LINGO2: variants seen among roughly 807,000 people sequenced by gnomAD.
LINGO2 encodes leucine-rich repeat and immunoglobulin-like domain-containing nogo receptor-interacting protein 2.
A neutral mutation model predicts 30.6 loss-of-function variants in LINGO2; 14 were observed. The ratio of observed to expected loss-of-function variants is 0.46; its 90% CI spans 0.30 to 0.72. The LOEUF is 0.72. LINGO2 is among the 30% of genes least tolerant of loss of function. The pLI, the probability that LINGO2 is intolerant of heterozygous loss-of-function variation, is 0.07. For synonymous variants in LINGO2, 317 were observed against 288.5 expected (o/e 1.10, Z -1.00); for missense variants, 729 against 751.7 (o/e 0.97, Z 0.35).
At chr9:29,119,734 C>G in the LINGO2 span, among the ~76,000 whole-genome samples, 1 of 151,660 alleles carries the variant, frequency 6.6e-6, no homozygotes, top group African/African-American at 2.4e-5. Flanking sequence ...TACAGGTACT[C>G]TACCTGTAAT....
At chr9:27,955,071 T>C (rs1819501012) in intron 5 of LINGO2, among the ~76,000 whole-genome samples, 3 of 152,344 alleles carry the variant, frequency 2.0e-5, no homozygotes, top group South Asian at 4.1e-4. Context: ...AAATGTCTAC[T>C]GATGTCCTTG....
chr9:28,814,328 T>C, the LINGO2 span, among the ~76,000 whole-genome samples: 1 of 151,998 alleles, frequency 6.6e-6, no homozygotes, highest in Admixed American at 6.6e-5. Context: ...TCCCAGCCAC[T>C]TGGGAGGCTG....
At chr9:28,155,391 C>T (rs1172246603) in intron 4 of LINGO2, among the ~76,000 whole-genome samples, 1 of 152,186 alleles carries the variant, frequency 6.6e-6, no homozygotes, top group African/African-American at 2.4e-5. Flanking sequence ...TTTTTCATTA[C>T]ACACAATCCT....
intron 3 of LINGO2, among the ~76,000 whole-genome samples, chr9:28,367,516 C>A (rs961168185): frequency 2.0e-4 from 31 of 151,404 alleles, no homozygotes; most frequent in Non-Finnish European, 4.1e-4. Context: ...TTCCTGGGGG[C>A]CATTTTCTCT....
chr9:28,890,336 A>C, the LINGO2 span, among the ~76,000 whole-genome samples: 2 of 152,036 alleles, frequency 1.3e-5, no homozygotes, highest in Non-Finnish European at 2.9e-5. Context: ...ATCTCCATAT[A>C]ATTAGGTTGT....
At chr9:28,264,076 C>A (rs1332224362) in intron 4 of LINGO2, among the ~76,000 whole-genome samples, 1 of 151,358 alleles carries the variant, frequency 6.6e-6, no homozygotes, top group Admixed American at 6.6e-5. Flanking sequence ...AAAAAAAAGA[C>A]GAAAAAATCT....
In LINGO2 at chr9:28,013,618, C is replaced by A. The variant is rs1161587331; in HGVS notation, c.-86-1213G>T. ...ATGAGAAGAAGCTGATAGTAAGTAG[C>A]TCTACTTTTAGTTTCTTATTGTCTA... On this transcript the variant is annotated intron_variant, in intron 4 of 5. Transcript: ENST00000379992. 2.6e-5 allele frequency among the ~76,000 whole-genome samples: 4 copies of A among 152,304 alleles called. No homozygotes were observed. The East Asian group carries it at 5.8e-4, about 22-fold the overall frequency.
At chr9:28,100,061 T>C (rs1433210495) in intron 4 of LINGO2, among the ~76,000 whole-genome samples, 2 of 152,212 alleles carry the variant, frequency 1.3e-5, no homozygotes, top group Non-Finnish European at 2.9e-5. Flanking sequence ...AAAATATTAT[T>C]GTGGAAGTAT....
At chr9:28,210,880 A>G (rs1222205823) in intron 4 of LINGO2, among the ~76,000 whole-genome samples, 1 of 151,576 alleles carries the variant, frequency 6.6e-6, no homozygotes, top group Non-Finnish European at 1.5e-5. Flanking sequence ...CCAAGAGAGG[A>G]ACATTAGCTC....
At chr9:28,746,703 T>C in the LINGO2 span, among the ~76,000 whole-genome samples, 1 of 151,934 alleles carries the variant, frequency 6.6e-6, no homozygotes, top group Non-Finnish European at 1.5e-5. Context: ...GGAAATAACA[T>C]AAATAAAACA....
the LINGO2 span, among the ~76,000 whole-genome samples, chr9:28,781,820 G>A: frequency 3.3e-5 from 5 of 152,144 alleles, no homozygotes; most frequent in African/African-American, 7.2e-5. Context: ...TTAGAAGGAT[G>A]CATATTATAA....
At chr9:28,389,285 A>T (rs1167178639) in intron 2 of LINGO2, among the ~76,000 whole-genome samples, 1 of 152,188 alleles carries the variant, frequency 6.6e-6, no homozygotes, top group Non-Finnish European at 1.5e-5. Context: ...TTATCAATGT[A>T]TCTAGGAAGA....
intron 3 of LINGO2, among the ~76,000 whole-genome samples, chr9:28,297,302 T>G (rs1052687694): frequency 6.6e-6 from 1 of 152,206 alleles, no homozygotes; most frequent in Non-Finnish European, 1.5e-5. Context: ...GGGGTAAGTT[T>G]TGTGTATTTT....
the LINGO2 span, among the ~76,000 whole-genome samples, chr9:28,988,776 G>A: frequency 2.6e-5 from 4 of 152,282 alleles, no homozygotes; most frequent in East Asian, 3.9e-4. Context: ...ATCTGGCATC[G>A]TGCCTACCTG....
chr9:28,412,371 T>C (rs1822804805), intron 2 of LINGO2, among the ~76,000 whole-genome samples: 3 of 152,060 alleles, frequency 2.0e-5, no homozygotes, highest in Admixed American at 2.0e-4. Context: ...TCAAATCCTT[T>C]GCCCATTTGT....
intron 5 of LINGO2, among the ~76,000 whole-genome samples, chr9:28,012,015 G>A (rs139751551): frequency 9.9e-4 from 150 of 152,166 alleles, no homozygotes; most frequent in Non-Finnish European, 1.8e-3. Context: ...CTTCATCTAG[G>A]GTGCAGTGGA....
chr9:28,951,407 T>A, the LINGO2 span, among the ~76,000 whole-genome samples: 1 of 151,700 alleles, frequency 6.6e-6, no homozygotes, highest in East Asian at 1.9e-4. Flanking sequence ...GCCGGTGGGG[T>A]GAAGAAAGGG....
intron 1 of LINGO2, among the ~76,000 whole-genome samples, chr9:28,482,543 G>A (rs1243450525): frequency 6.6e-6 from 1 of 152,018 alleles, no homozygotes; most frequent in African/African-American, 2.4e-5. Flanking sequence ...CAGATGAGTA[G>A]GTTGTGAAAA....
At chr9:28,703,744 AGTT>A in the LINGO2 span, among the ~76,000 whole-genome samples, 4 of 151,750 alleles carry the variant, frequency 2.6e-5, no homozygotes, top group East Asian at 7.8e-4. Context: ...TAACTCTTTC[AGTT>A]GTTGTCCTAG....
Sources: allele counts gnomAD v4.1 joint callset (sites outside exome capture counted in the v4.1 genomes callset), GRCh38; gene constraint gnomAD v4.1.1; transcripts MANE v1.5; gene names NCBI Gene and HGNC (gene_info 2026-07-23, HGNC 2026-07-21).